LPA: variants seen among roughly 807,000 people sequenced by gnomAD.
LPA encodes lipoprotein(a), also known as apolipoprotein(a).
A neutral mutation model predicts 197.9 loss-of-function variants in LPA; 199 were observed. The observed-to-expected ratio is 1.01, with a 90% CI of 0.90 to 1.13. LPA has a LOEUF of 1.13. Among genes scored for constraint, LPA ranks in the 50% most tolerant of loss-of-function variants. LPA has a pLI of 0.00. For synonymous variants in LPA, 715 were observed against 639.5 expected, an observed-to-expected ratio of 1.12 and a Z score of -1.78; for missense variants, 1,853 against 1,785.8, an observed-to-expected ratio of 1.04 and a Z score of -0.68.
intron 34 of LPA, 36 bp from the exon 35 acceptor site, chr6:160,541,217 G>T (rs1454440448): frequency 2.1e-6 from 3 of 1,461,990 alleles, no homozygotes; most frequent in East Asian, 2.3e-5. Context: ...TGGTCAAATT[G>T]GATGGTTTGT....
At chr6:160,608,296 G>T (rs1332025560) in intron 16 of LPA, among the ~76,000 whole-genome samples, 1 of 151,964 alleles carries the variant, frequency 6.6e-6, no homozygotes, top group Non-Finnish European at 1.5e-5. Flanking sequence ...TCTTTGTTTG[G>T]GGCAGTGCAC....
intron 37 of LPA, among the ~76,000 whole-genome samples, chr6:160,536,250 G>A (rs1218154010): frequency 6.6e-6 from 1 of 152,172 alleles, no homozygotes; most frequent in Non-Finnish European, 1.5e-5. Context: ...GGGAGGACCT[G>A]GGATTTGGGG....
At chr6:160,570,160 A>C (rs1778537080) in intron 28 of LPA, among the ~76,000 whole-genome samples, 1 of 152,252 alleles carries the variant, frequency 6.6e-6, no homozygotes, top group African/African-American at 2.4e-5. Context: ...ATTATAAATC[A>C]TGCTGCTATA....
intron 30 of LPA, among the ~76,000 whole-genome samples, chr6:160,550,198 C>A (rs557148506): frequency 6.9e-6 from 1 of 145,974 alleles, no homozygotes; most frequent in Admixed American, 6.9e-5. Flanking sequence ...TCCTGCCTGG[C>A]GACAGAGCGA....
At chr6:160,595,762 A>T (rs537922418) in intron 20 of LPA, among the ~76,000 whole-genome samples, 4 of 152,326 alleles carry the variant, frequency 2.6e-5, no homozygotes, top group African/African-American at 9.6e-5. Flanking sequence ...TGTGCTCCAT[A>T]AGAAAATTGA....
chr6:160,550,514 T>C (rs923239649), intron 30 of LPA, among the ~76,000 whole-genome samples: 15 of 152,218 alleles, frequency 9.9e-5, no homozygotes, highest in Non-Finnish European at 1.6e-4. Flanking sequence ...AGGGAGGTTA[T>C]TGATCTATTT....
intron 16 of LPA, among the ~76,000 whole-genome samples, chr6:160,607,222 G>A (rs1049296273): frequency 4.6e-5 from 7 of 152,062 alleles, no homozygotes; most frequent in Non-Finnish European, 1.0e-4. Flanking sequence ...CCATGGAAAA[G>A]CACTGTGCAA....
At chr6:160,593,895 G>T in intron 22 of LPA, 63 bp downstream of exon 22, 1 of 1,574,154 alleles carries the variant, frequency 6.4e-7, no homozygotes, top group Non-Finnish European at 8.7e-7. Context: ...TTGGAAGCAT[G>T]GCCCTTCCAA....
At chr6:160,576,690 G>GTGTGTATATA (rs869225354) in intron 28 of LPA, among the ~76,000 whole-genome samples, 9 of 76,652 alleles carry the variant, frequency 1.2e-4, no homozygotes, top group Admixed American at 1.5e-4. Flanking sequence ...GTGTGTGTGT[G>GTGTGTATATA]TATATATATA....
At chr6:160,653,754 C>A (rs191773344) in intron 1 of LPA, among the ~76,000 whole-genome samples, 212 of 148,762 alleles carry the variant, frequency 1.4e-3, no homozygotes, top group African/African-American at 5.1e-3. Context: ...TGCAAAAATT[C>A]TCAATAAAAT....
chr6:160,588,217 A>G (rs968294658), intron 24 of LPA, among the ~76,000 whole-genome samples: 3 of 151,870 alleles, frequency 2.0e-5, no homozygotes, highest in Admixed American at 6.6e-5. Context: ...CATATAACTG[A>G]GCAACTTGTA....
intron 20 of LPA, among the ~76,000 whole-genome samples, chr6:160,597,657 T>C (rs948700055): frequency 6.6e-6 from 1 of 152,228 alleles, no homozygotes; most frequent in African/African-American, 2.4e-5. Context: ...CCTTTTACTT[T>C]CCCTTGATAT....
chr6:160,550,390 G>T (rs1395703921), intron 30 of LPA, among the ~76,000 whole-genome samples: 3 of 152,162 alleles, frequency 2.0e-5, no homozygotes, highest in African/African-American at 4.8e-5. Context: ...CCGTGGGAAT[G>T]CAACATTGTC....
At chr6:160,605,509 G>C (rs974218396) in intron 17 of LPA, among the ~76,000 whole-genome samples, 5 of 152,164 alleles carry the variant, frequency 3.3e-5, no homozygotes, top group Non-Finnish European at 7.4e-5. Context: ...AATGGAAACT[G>C]TGCTCACGTG....
intron 28 of LPA, among the ~76,000 whole-genome samples, chr6:160,574,678 C>G (rs1424697002): frequency 6.6e-6 from 1 of 152,200 alleles, no homozygotes; most frequent in Non-Finnish European, 1.5e-5. Flanking sequence ...CTTTCAGCTT[C>G]TCCAGTTGTG....
chr6:160,590,821 G>A, intron 23 of LPA, 123 bp downstream of exon 23: 1 of 1,358,460 alleles, frequency 7.4e-7, no homozygotes, highest in Admixed American at 1.9e-5. Context: ...CCTTCCCATT[G>A]GCTGACCCTG....
intron 19 of LPA, among the ~76,000 whole-genome samples, chr6:160,600,416 A>G (rs1202838881): frequency 6.6e-6 from 1 of 152,212 alleles, no homozygotes; most frequent in Non-Finnish European, 1.5e-5. Flanking sequence ...CCTGAGAGAT[A>G]GAGCTTCGGG....
In LPA at chr6:160,593,112, T is replaced by C. The variant is rs1189765647; in HGVS notation, c.3629+846A>G. On this transcript the variant is annotated intron_variant, in intron 22 of 38. Coordinates refer to ENST00000316300, the MANE Select transcript of LPA (RefSeq NM_005577.4). The stretch of plus-strand genomic sequence containing the variant: ...CCTCTCATTCTTAGCCAGCCTAGAA[T>C]ACGTCAGATGCCTGAGGCATCACAA... Among the ~76,000 whole-genome samples the C allele has an allele frequency of 2.6e-5, 4 of 152,304 alleles. No individual in the cohort carries two copies. In the East Asian group the frequency reaches 5.8e-4, roughly 22 times the overall value.
chr6:160,634,972 A>G, intron 7 of LPA, 151 bp downstream of exon 7: 1 of 1,496,170 alleles, frequency 6.7e-7, no homozygotes, highest in South Asian at 1.1e-5. Context: ...TGGCTCCCCC[A>G]GAGAGTACAC....
Sources: allele counts gnomAD v4.1 joint callset (sites outside exome capture counted in the v4.1 genomes callset), GRCh38; gene constraint gnomAD v4.1.1; transcripts MANE v1.5; gene names NCBI Gene and HGNC (gene_info 2026-07-23, HGNC 2026-07-21).